The following ADCY2 variants were observed in gnomAD, a reference collection of about 807,000 sequenced individuals.
ADCY2 encodes adenylate cyclase type 2.
A neutral mutation model predicts 125.2 loss-of-function variants in ADCY2; 31 were observed. That is an observed-to-expected ratio of 0.25 (90% CI 0.19 to 0.33). The LOEUF is 0.33. Among genes scored for constraint, ADCY2 ranks in the 10% least tolerant of loss-of-function variants. ADCY2 has a pLI of 1.00. For missense variants in ADCY2, 904 were observed against 1,418.2 expected, an observed-to-expected ratio of 0.64 and a Z score of 5.82; for synonymous variants, 512 against 548.4, an observed-to-expected ratio of 0.93 and a Z score of 0.93.
At chr5:7,812,400 C>G in intron 22 of ADCY2, among the ~76,000 whole-genome samples, 1 of 152,164 alleles carries the variant, frequency 6.6e-6, no homozygotes, top group Non-Finnish European at 1.5e-5. Context: ...AAAGGTCAGA[C>G]ACCTTGGTCG....
chr5:7,473,818 G>A (rs1175568929), intron 2 of ADCY2, among the ~76,000 whole-genome samples: 1 of 152,164 alleles, frequency 6.6e-6, no homozygotes, highest in African/African-American at 2.4e-5. Flanking sequence ...ATGCTTGGTG[G>A]AGGCCTGTGG....
intron 19 of ADCY2, among the ~76,000 whole-genome samples, chr5:7,788,235 A>C (rs1271379860): frequency 6.6e-6 from 1 of 152,208 alleles, no homozygotes; most frequent in Non-Finnish European, 1.5e-5. Context: ...ACTGGAGTGC[A>C]GTGGCTCAAT....
intron 16 of ADCY2, among the ~76,000 whole-genome samples, chr5:7,763,797 T>A (rs1488769517): frequency 6.6e-6 from 1 of 152,194 alleles, no homozygotes; most frequent in Non-Finnish European, 1.5e-5. Flanking sequence ...TTCCAGCCAG[T>A]GGCAAGCAGC....
chr5:7,765,712 T>C (rs1560966772), intron 16 of ADCY2, among the ~76,000 whole-genome samples: 2 of 152,208 alleles, frequency 1.3e-5, no homozygotes, highest in Non-Finnish European at 2.9e-5. Flanking sequence ...GAAATTTTAC[T>C]TTTTAAACCT....
chr5:7,671,700 A>G (rs1415598186), intron 4 of ADCY2, among the ~76,000 whole-genome samples: 1 of 152,172 alleles, frequency 6.6e-6, no homozygotes, highest in Non-Finnish European at 1.5e-5. Flanking sequence ...ATCAAGCAAC[A>G]TGTGTTTTGA....
intron 3 of ADCY2, among the ~76,000 whole-genome samples, chr5:7,557,192 G>GATATATAGATATATATATATATAT (rs1204974635): frequency 7.4e-5 from 6 of 80,652 alleles, no homozygotes; most frequent in Admixed American, 3.2e-4. Flanking sequence ...TTATATATGT[G>GATATATAGATATATATATATATAT]ATATATATAA....
At chr5:7,544,273 G>A (rs1426204934) in intron 3 of ADCY2, among the ~76,000 whole-genome samples, 1 of 152,134 alleles carries the variant, frequency 6.6e-6, no homozygotes, top group African/African-American at 2.4e-5. Context: ...AAGCTTGGTG[G>A]CCTGAAACAA....
chr5:7,725,493 T>A (rs1454260041), intron 13 of ADCY2, among the ~76,000 whole-genome samples: 2 of 152,044 alleles, frequency 1.3e-5, no homozygotes, highest in African/African-American at 4.8e-5. Flanking sequence ...GTCAAGAGGA[T>A]CTGTTGTCTA....
intron 18 of ADCY2, among the ~76,000 whole-genome samples, chr5:7,777,143 C>T (rs1045268312): frequency 6.6e-6 from 1 of 152,112 alleles, no homozygotes; most frequent in African/African-American, 2.4e-5. Flanking sequence ...CTGGCTTTCA[C>T]CCCTCGGTGT....
intron 16 of ADCY2, among the ~76,000 whole-genome samples, chr5:7,761,143 C>CT (rs1482654809): frequency 9.3e-5 from 6 of 64,508 alleles, no homozygotes; most frequent in African/African-American, 1.7e-4. Context: ...CTTTTCTTTT[C>CT]TTTTCTTTTT....
intron 19 of ADCY2, among the ~76,000 whole-genome samples, chr5:7,789,151 A>G (rs1163959391): frequency 6.6e-6 from 1 of 152,246 alleles, no homozygotes; most frequent in Non-Finnish European, 1.5e-5. Context: ...AGAAAAATCC[A>G]TATTTTGCAA....
chr5:7,739,727 GA>G (rs1553983193), intron 14 of ADCY2, among the ~76,000 whole-genome samples: 1 of 151,544 alleles, frequency 6.6e-6, no homozygotes, highest in Non-Finnish European at 1.5e-5. Flanking sequence ...CAATTTAAGG[GA>G]AAAAAGAGGA....
chr5:7,430,650 A>G (rs984000221), intron 2 of ADCY2, among the ~76,000 whole-genome samples: 1 of 151,434 alleles, frequency 6.6e-6, no homozygotes, highest in Admixed American at 6.6e-5. Context: ...TTTAAAATCA[A>G]TTTTCGTGAT....
At chr5:7,710,633 G>C (rs1274285727) in intron 10 of ADCY2, among the ~76,000 whole-genome samples, 1 of 152,182 alleles carries the variant, frequency 6.6e-6, no homozygotes, top group Non-Finnish European at 1.5e-5. Flanking sequence ...GCTGTGGCTG[G>C]AGCATCATGA....
At chr5:7,557,201 AACTCAAGTGAG>A (rs1735553623) in intron 3 of ADCY2, among the ~76,000 whole-genome samples, 4 of 140,038 alleles carry the variant, frequency 2.9e-5, no homozygotes, top group Admixed American at 7.1e-5. Context: ...TGATATATAT[AACTCAAGTGAG>A]TGTATCTAAA....
At chr5:7,641,804 G>A (rs1454396212) in intron 4 of ADCY2, among the ~76,000 whole-genome samples, 1 of 152,036 alleles carries the variant, frequency 6.6e-6, no homozygotes, top group Non-Finnish European at 1.5e-5. Flanking sequence ...GTGTTAATTT[G>A]CTTAGGATTA....
At chr5:7,655,736 G>T (rs541480214) in intron 4 of ADCY2, among the ~76,000 whole-genome samples, 3 of 152,168 alleles carry the variant, frequency 2.0e-5, no homozygotes, top group Non-Finnish European at 4.4e-5. Context: ...TAACCATCAC[G>T]TGGCCCAATT....
chr5:7,413,639 A>G (rs547931959), intron 1 of ADCY2, among the ~76,000 whole-genome samples: 2 of 150,656 alleles, frequency 1.3e-5, no homozygotes, highest in East Asian at 4.0e-4. Context: ...TATTTCTGTT[A>G]ACTACACATG....
At chr5:7,778,266 T>C (rs113179885) in intron 18 of ADCY2, among the ~76,000 whole-genome samples, 1 of 152,234 alleles carries the variant, frequency 6.6e-6, no homozygotes, top group African/African-American at 2.4e-5. Context: ...GTTTTTTTTC[T>C]TACAGAACTG....
Sources: gnomAD v4.1 joint callset for allele counts (sites outside exome capture counted in the v4.1 genomes callset) on GRCh38, gnomAD v4.1.1 for gene constraint, MANE v1.5 for transcripts, NCBI Gene and HGNC (gene_info 2026-07-23, HGNC 2026-07-21) for gene names.